AEBP1: variants seen among roughly 807,000 people sequenced by gnomAD.
AEBP1 encodes the protein AE binding protein 1.
A neutral mutation model predicts 116.5 loss-of-function variants in AEBP1; 69 were observed. The ratio of observed to expected loss-of-function variants is 0.59; its 90% CI spans 0.49 to 0.72. The LOEUF is 0.72. Among genes scored for constraint, AEBP1 ranks in the 30% least tolerant of loss-of-function variants. The pLI is 0.00. For synonymous variants in AEBP1, 627 were observed against 627.3 expected (o/e 1.00, Z 0.01); for missense variants, 1,444 against 1,557.5 (o/e 0.93, Z 1.23).
chr7:44,106,411 T>A, intron 1 of AEBP1, 135 bp from the exon 2 acceptor site: 1 of 1,028,866 alleles, frequency 9.7e-7, no homozygotes, highest in Non-Finnish European at 1.4e-6. Flanking sequence ...GCAAATGACT[T>A]AACCTCTCAG....
rs572727648 is a variant in AEBP1, at chr7:44,111,306, T to G, written c.1716+67T>G. On this transcript the variant is annotated intron_variant, in intron 14 of 20. Transcript: ENST00000223357. The surrounding 1 kb of genome is among the most constrained non-coding windows in gnomAD (Gnocchi z 4.7). Reference sequence around the variant, plus strand: ...GTGGCTGACGGGAGTGTGTGCCTGGTGCTTCTGTCACTGGGCCCAGTCCCT... The same window carrying G: ...GTGGCTGACGGGAGTGTGTGCCTGGGGCTTCTGTCACTGGGCCCAGTCCCT... 7 of 1,450,636 alleles carry G rather than the reference T, an allele frequency of 4.8e-6. No individual in the cohort carries two copies. Among genetic ancestry groups the G allele is most frequent in the African/African-American group, 1.4e-5 (1 of 69,902 alleles). 89.9% of individuals were successfully genotyped at this position (1,450,636 alleles called of 1,614,324 possible). A position where few individuals can be genotyped will look rare whatever the true frequency, so the allele number is the denominator to read the frequency against.
At position 44,112,010 on chromosome 7, in the gene AEBP1, C is replaced by T. The variant is rs1411085243; in HGVS notation, c.1997C>T (p.Pro666Leu). 6.8e-6 allele frequency: 11 copies of T among 1,613,668 alleles called. No homozygotes were observed. The highest frequency in any genetic ancestry group is 9.3e-6 in the Non-Finnish European group (11 of 1,180,002). The change falls in exon 16 of 21, where the codon CCC becomes CTC. Residue 666 changes from proline to leucine, a missense_variant. By Grantham distance (98) the Pro-to-Leu change is moderately conservative. Coordinates refer to ENST00000223357, the MANE Select transcript of AEBP1 (RefSeq NM_001129.5). This position sits in a 1 kb window ranked among gnomAD's most constrained non-coding sequence, Gnocchi z 6.6. The stretch of plus-strand genomic sequence containing the variant: ...CAGGACACACGCATCCACCTGGTGC[C>T]CTCACTGAACCCTGATGGCTACGAG... ...LVQDTRIHLV[P>L]SLNPDGYEVA...
At position 44,114,186 on chromosome 7, in the gene AEBP1, G is replaced by A. The variant is rs1488283244; in HGVS notation, c.3402G>A (p.Glu1134=). 5 of 1,613,852 alleles carry A rather than the reference G, an allele frequency of 3.1e-6. No individual in the cohort carries two copies. Among genetic ancestry groups the A allele is most frequent in the East Asian group, 2.2e-5 (1 of 44,890 alleles). The change falls in exon 21 of 21, where the codon GAG becomes GAA. Residue 1134 remains glutamate, a synonymous_variant. Transcript: ENST00000223357. ...AGGAAGAGGAGGAGGAGGAGAAAGAGGAGGAGATAGCCACTGGCCAGGCAT... is the reference window on the plus strand; with the variant it reads ...AGGAAGAGGAGGAGGAGGAGAAAGAAGAGGAGATAGCCACTGGCCAGGCAT... ...EFEEEEEEEK[E]EEIATGQAFP...
At position 44,104,532 on chromosome 7, in the gene AEBP1, C is replaced by T. The variant is rs375810199; in HGVS notation, c.-134C>T. The T allele has an allele frequency of 3.4e-6, 2 of 580,744 alleles. No individual in the cohort carries two copies. Among genetic ancestry groups the T allele is most frequent in the South Asian group, 2.9e-5 (1 of 34,414 alleles). 36.0% of individuals were successfully genotyped at this position (580,744 alleles called of 1,614,324 possible). ...TCTCCCTCCCTTTCCCGGATTCCCT[C>T]GCTCACCCCATCCTCTCTCCCGCCC... On this transcript the variant is annotated 5_prime_UTR_variant, in exon 1 of 21. Transcript: ENST00000223357.
In AEBP1 at chr7:44,113,056, A is replaced by C. The variant is rs780297697; in HGVS notation, c.2635A>C (p.Lys879Gln). The change falls in exon 19 of 21, where the codon AAG becomes CAG. Residue 879 changes from lysine (K) to glutamine (Q), a missense_variant. By Grantham distance (53) the Lys-to-Gln change is moderately conservative (BLOSUM62 1). Coordinates refer to ENST00000223357, the MANE Select transcript of AEBP1 (RefSeq NM_001129.5). The surrounding 1 kb of genome is among the most constrained non-coding windows in gnomAD (Gnocchi z 5.3). ...GCTCTCCTTCTACCTGGGCTGTGAC[A>C]AGTTCCCTCATGAGAGTGAGCTGCC... Reference protein sequence around the residue: ...LELSFYLGCDKFPHESELPRE... With the variant: ...LELSFYLGCDQFPHESELPRE... 2 of 1,614,104 alleles carry C rather than the reference A, an allele frequency of 1.2e-6. No homozygotes were observed. Among genetic ancestry groups the C allele is most frequent in the South Asian group, 2.2e-5 (2 of 91,086 alleles).
Position 44,112,885 on chromosome 7 carries a change from G to A in AEBP1, c.2545G>A (p.Ala849Thr). ...CGGCGGCATGGGCATCGTCAACGGGGCCAAGTGGAACCCCCGGACCGGGAG... is the reference window on the plus strand; with the variant it reads ...CGGCGGCATGGGCATCGTCAACGGGACCAAGTGGAACCCCCGGACCGGGAG... ...YTGGMGIVNG[A>T]KWNPRTGTIN... The change falls in exon 18 of 21, where the codon GCC (alanine) becomes ACC (threonine). Residue 849 changes from alanine to threonine, a missense_variant. Coordinates refer to ENST00000223357, the MANE Select transcript of AEBP1 (RefSeq NM_001129.5). The surrounding 1 kb of genome is among the most constrained non-coding windows in gnomAD (Gnocchi z 6.6). The A allele has an allele frequency of 6.2e-7, 1 of 1,612,100 alleles. No individual in the cohort carries two copies.
At position 44,104,756 on chromosome 7, in the gene AEBP1, G is replaced by A. The variant is rs1439077333; in HGVS notation, c.91G>A (p.Asp31Asn). 6.2e-7 allele frequency: 1 copy of A among 1,611,614 alleles called. No homozygotes were observed. Among genetic ancestry groups the A allele is most frequent in the East Asian group, 2.2e-5 (1 of 44,788 alleles). ...AGGGCGCCCGCAGACGGTGCTGACC[G>A]ACGACGAGATCGAGGAGTTCCTCGA... ...PGGRPQTVLT[D>N]DEIEEFLEGF... The change falls in exon 1 of 21, where the codon GAC (aspartate) becomes AAC (asparagine). Residue 31 changes from aspartate (D) to asparagine (N), a missense_variant. Physicochemically the swap from Asp to Asn is conservative, Grantham distance 23. Coordinates refer to ENST00000223357, the MANE Select transcript of AEBP1 (RefSeq NM_001129.5).
In AEBP1 at chr7:44,112,928, G is replaced by A. The variant is rs1415138133; in HGVS notation, c.2569+19G>A. The A allele has an allele frequency of 6.2e-7, 1 of 1,611,872 alleles. No individual in the cohort carries two copies. The highest frequency in any genetic ancestry group is 1.7e-5 in the Admixed American group (1 of 59,976). ...ACCGGGAGTGAGTCAGCCTGGGAGG[G>A]GCTGTGGGCGGGGCCTGGTCCGGAG... On this transcript the variant is annotated intron_variant, in intron 18 of 20. Transcript: ENST00000223357. The surrounding 1 kb of genome is among the most constrained non-coding windows in gnomAD (Gnocchi z 6.6).
Position 44,110,717 on chromosome 7 carries a change from C to T in AEBP1, c.1401-8C>T, listed in dbSNP as rs1562687175. On this transcript the variant is annotated splice_region_variant and splice_polypyrimidine_tract_variant and intron_variant, in intron 11 of 20. Transcript: ENST00000223357. ...AGACCCTTGCTCTGACCACTGTCCA[C>T]TCCACAGTGACGATTTTGTGACCAC... 3.3e-6 allele frequency: 5 copies of T among 1,521,392 alleles called. No homozygotes were observed. In the African/African-American group the frequency reaches 4.2e-5, roughly 13 times the overall value. The allele number at this position is 1,521,392 out of a possible 1,614,324, so 94.2% of individuals were successfully genotyped here. A position where few individuals can be genotyped will look rare whatever the true frequency, so the allele number is the denominator to read the frequency against.
In AEBP1 at chr7:44,107,483, C is replaced by T; in HGVS notation, c.640C>T (p.His214Tyr). The stretch of plus-strand genomic sequence containing the variant: ...CTGGCAGAATCCAGGAGAGGAGACC[C>T]ATGTGGAGGCACGGGAGCACCAGCC... ...NNWQNPGEET[H>Y]VEAREHQPEP... The change falls in exon 3 of 21, where the codon CAT (histidine) becomes TAT (tyrosine). Residue 214 changes from histidine (H) to tyrosine (Y), a missense_variant. By Grantham distance (83) the His-to-Tyr change is moderately conservative (BLOSUM62 2). Coordinates refer to ENST00000223357, the MANE Select transcript of AEBP1 (RefSeq NM_001129.5). This position sits in a 1 kb window ranked among gnomAD's most constrained non-coding sequence, Gnocchi z 4.3. 1 of 1,613,412 alleles carries T rather than the reference C, an allele frequency of 6.2e-7. No individual in the cohort carries two copies. The highest frequency in any genetic ancestry group is 8.5e-7 in the Non-Finnish European group (1 of 1,179,972).
rs2096230722 is a variant in AEBP1, at chr7:44,112,541, CG to C, written c.2218-16del. 3 of 1,557,176 alleles carry C rather than the reference CG, an allele frequency of 1.9e-6. No homozygotes were observed. Among genetic ancestry groups the C allele is most frequent in the Middle Eastern group, 1.7e-4 (1 of 5,736 alleles). ...CCGGAGCTGCAGCCCTGGCCTCACA[CG>C]TGCTGGCCACTCCAGGTATCCACGG... On this transcript the variant is annotated splice_polypyrimidine_tract_variant and intron_variant, in intron 17 of 20. Coordinates refer to ENST00000223357, the MANE Select transcript of AEBP1 (RefSeq NM_001129.5). The surrounding 1 kb of genome is among the most constrained non-coding windows in gnomAD (Gnocchi z 6.6).
Position 44,108,778 on chromosome 7 carries a change from C to T in AEBP1, c.941-121C>T, listed in dbSNP as rs1434268436. The stretch of plus-strand genomic sequence containing the variant: ...CAAGACCCTCTCCCAACTCAGCTGT[C>T]CCCCATCTCCCGTCCTCCTCCCCTC... On this transcript the variant is annotated intron_variant, in intron 6 of 20. Coordinates refer to ENST00000223357, the MANE Select transcript of AEBP1 (RefSeq NM_001129.5). The surrounding 1 kb of genome is among the most constrained non-coding windows in gnomAD (Gnocchi z 5.0). The T allele has an allele frequency of 2.3e-6, 2 of 861,988 alleles. No individual in the cohort carries two copies. Among genetic ancestry groups the T allele is most frequent in the Non-Finnish European group, 3.7e-6 (2 of 546,654 alleles). The allele number at this position is 861,988 out of a possible 1,614,324, so 53.4% of individuals were successfully genotyped here. A position where few individuals can be genotyped will look rare whatever the true frequency, so the allele number is the denominator to read the frequency against.
Position 44,104,805 on chromosome 7 carries a change from C to A in AEBP1, c.140C>A (p.Pro47His). The change falls in exon 1 of 21, where the codon CCT becomes CAT. Residue 47 changes from proline to histidine, a missense_variant. Coordinates refer to ENST00000223357, the MANE Select transcript of AEBP1 (RefSeq NM_001129.5). ...FLEGFLSELE[P>H]EPREDDVEAP... ...GAGGGCTTCCTGTCAGAGCTAGAAC[C>A]TGAGCCCCGGGAGGACGACGTGGAG... is the stretch of plus-strand genomic sequence containing the variant. 6.2e-7 allele frequency: 1 copy of A among 1,608,830 alleles called. No homozygotes were observed. The highest frequency in any genetic ancestry group is 8.5e-7 in the Non-Finnish European group (1 of 1,178,368).
In AEBP1 at chr7:44,109,295, A is replaced by G; in HGVS notation, c.1104A>G (p.Arg368=). The G allele has an allele frequency of 6.2e-7, 1 of 1,607,652 alleles. No individual in the cohort carries two copies. The highest frequency in any genetic ancestry group is 1.1e-5 in the South Asian group (1 of 90,516). Reference sequence around the variant, plus strand: ...TCCCTTCATTGTCCCTAGAGCCCCGAAAGGGCGAGGAGTTGGAGGAGGAGT... The same window carrying G: ...TCCCTTCATTGTCCCTAGAGCCCCGGAAGGGCGAGGAGTTGGAGGAGGAGT... The part of the protein sequence containing the change: ...VEKGKDHKEP[R]KGEELEEEWT... The change falls in exon 9 of 21, where the codon CGA becomes CGG. Residue 368 remains arginine (R), a synonymous_variant. Coordinates refer to ENST00000223357, the MANE Select transcript of AEBP1 (RefSeq NM_001129.5).
At position 44,112,582 on chromosome 7, in the gene AEBP1, A is replaced by C; in HGVS notation, c.2242A>C (p.Ile748Leu). 1 of 1,598,518 alleles carries C rather than the reference A, an allele frequency of 6.3e-7. No individual in the cohort carries two copies. The highest frequency in any genetic ancestry group is 8.6e-7 in the Non-Finnish European group (1 of 1,169,504). ...ATVSTEVRAIIAWMEKNPFVL... is the reference protein window; with the variant it reads ...ATVSTEVRAILAWMEKNPFVL... ...GGTATCCACGGAGGTCCGGGCCATC[A>C]TTGCCTGGATGGAGAAGAACCCCTT... The change falls in exon 18 of 21, where the codon ATT becomes CTT. Residue 748 changes from isoleucine (I) to leucine (L), a missense_variant. Coordinates refer to ENST00000223357, the MANE Select transcript of AEBP1 (RefSeq NM_001129.5). This position sits in a 1 kb window ranked among gnomAD's most constrained non-coding sequence, Gnocchi z 6.6.
chr7:44,113,553 G>C lies in AEBP1; in HGVS notation c.2810-41G>C, dbSNP rs199581896. ...ACTGAGTGGGAGGGTGGGGGCCTGG[G>C]AGGGGCGCTCTGGGGCAGCCGGATC... On this transcript the variant is annotated intron_variant, in intron 20 of 20. Transcript: ENST00000223357. The surrounding 1 kb of genome is among the most constrained non-coding windows in gnomAD (Gnocchi z 5.3). 1.7e-3 allele frequency: 2,667 copies of C among 1,552,540 alleles called. 102 individuals carry two copies. In the East Asian group the frequency reaches 0.056, roughly 32 times the overall value.
chr7:44,107,327 G>A lies in AEBP1; in HGVS notation c.596-112G>A, dbSNP rs544793015. On this transcript the variant is annotated intron_variant, in intron 2 of 20. Coordinates refer to ENST00000223357, the MANE Select transcript of AEBP1 (RefSeq NM_001129.5). This position sits in a 1 kb window ranked among gnomAD's most constrained non-coding sequence, Gnocchi z 4.3. ...CTCCTTGGAGTGAGCTCGGCCTCAG[G>A]AGGGTGTCCACAGGCTCTGTGTGGG... is the stretch of plus-strand genomic sequence containing the variant. 3.4e-5 allele frequency: 36 copies of A among 1,066,252 alleles called. No individual in the cohort carries two copies. In the South Asian group the frequency reaches 4.8e-4, roughly 14 times the overall value. 66.0% of individuals were successfully genotyped at this position (1,066,252 alleles called of 1,614,324 possible).
Position 44,110,968 on chromosome 7 carries a change from C to T in AEBP1, c.1541C>T (p.Pro514Leu), listed in dbSNP as rs200076938. 3.8e-5 allele frequency: 61 copies of T among 1,613,886 alleles called. No individual in the cohort carries two copies. The highest frequency in any genetic ancestry group is 1.2e-4 in the African/African-American group (9 of 74,918). ...DTPVLSELPE[P>L]VVARFIRIYP... is the part of the protein sequence containing the mutation. The stretch of plus-strand genomic sequence containing the variant: ...CCCGTGCTGAGTGAGCTCCCAGAGC[C>T]GGTGGTGGCTCGTTTCATCCGCATC... The change falls in exon 13 of 21, where the codon CCG (proline) becomes CTG (leucine). Residue 514 changes from proline (P) to leucine (L), a missense_variant. Coordinates refer to ENST00000223357, the MANE Select transcript of AEBP1 (RefSeq NM_001129.5).
Position 44,110,457 on chromosome 7 carries a change from G to T in AEBP1, c.1400+111G>T, listed in dbSNP as rs917836139. ...GCCCTTCTTTGGCCCAGCCAAAGAA[G>T]GCCAAAAAGATCAGTGAGGGACTCA... On this transcript the variant is annotated intron_variant, in intron 11 of 20. Transcript: ENST00000223357. The T allele has an allele frequency of 4.0e-6, 6 of 1,506,318 alleles. No homozygotes were observed. The African/African-American group carries it at 7.0e-5, about 17-fold the overall frequency. The allele number at this position is 1,506,318 out of a possible 1,614,324, so 93.3% of individuals were successfully genotyped here.
Sources: gnomAD v4.1 joint callset for allele counts on GRCh38, gnomAD v4.1.1 for gene constraint, Gnocchi (gnomAD v3.1) non-coding constraint, MANE v1.5 for transcripts, NCBI Gene and HGNC (gene_info 2026-07-23, HGNC 2026-07-21) for gene names.